The following CAMTA1 variants were observed in gnomAD, a reference collection of about 807,000 sequenced individuals.
The protein encoded by CAMTA1 is calmodulin binding transcription activator 1.
CAMTA1 carries 27 observed loss-of-function variants against 170.9 expected under a neutral mutation model. That is an observed-to-expected ratio of 0.16 (90% CI 0.12 to 0.22). The LOEUF is 0.22. CAMTA1 is among the 10% of genes least tolerant of loss of function. CAMTA1 has a pLI of 1.00. For missense variants in CAMTA1, 1,619 were observed against 2,217.2 expected, an observed-to-expected ratio of 0.73 and a Z score of 5.42; for synonymous variants, 833 against 891.5, an observed-to-expected ratio of 0.93 and a Z score of 1.17.
In CAMTA1 at chr1:6,884,291, G is replaced by GACACACACACAC. The variant is rs112571156; in HGVS notation, c.234+59115_234+59126dup. Among the ~76,000 whole-genome samples, 479 of 136,638 alleles carry GACACACACACAC rather than the reference G, an allele frequency of 3.5e-3. 1 individual carries two copies. The highest frequency in any genetic ancestry group is 7.9e-3 in the Admixed American group (105 of 13,212). The allele number at this position is 136,638 out of a possible 152,430, so 89.6% of individuals were successfully genotyped here. A position where few individuals can be genotyped will look rare whatever the true frequency, so the allele number is the denominator to read the frequency against. On this transcript the variant is annotated intron_variant, in intron 3 of 22. Coordinates refer to ENST00000303635, the MANE Select transcript of CAMTA1 (RefSeq NM_015215.4). ...CAGAGAATTTAGCTTATTCTCTAGA[G>GACACACACACAC]ACACACACACACACACACACACACA... is the stretch of plus-strand genomic sequence containing the variant.
chr1:7,330,798 A>G (rs1260441782), intron 5 of CAMTA1, among the ~76,000 whole-genome samples: 1 of 152,228 alleles, frequency 6.6e-6, no homozygotes, highest in Non-Finnish European at 1.5e-5. Flanking sequence ...CAGGGAATGG[A>G]TATGACAGTG....
rs1679114662 is a variant in CAMTA1 at position 7,325,279 on chromosome 1, GAA to G, written c.438+75657_438+75658del. Among the ~76,000 whole-genome samples the G allele has an allele frequency of 6.6e-6, 1 of 152,176 alleles. No homozygotes were observed. Among genetic ancestry groups the G allele is most frequent in the East Asian group, 1.9e-4 (1 of 5,200 alleles). ...ATATCAGAAGGGGTCATGACTGGGA[GAA>G]AAAGGTAGAACAAGATAGGGAGGCT... is the stretch of plus-strand genomic sequence containing the variant. On this transcript the variant is annotated intron_variant, in intron 5 of 22. Coordinates refer to ENST00000303635, the MANE Select transcript of CAMTA1 (RefSeq NM_015215.4). The surrounding 1 kb of genome is among the most constrained non-coding windows in gnomAD (Gnocchi z 5.0).
intron 2 of CAMTA1, among the ~76,000 whole-genome samples, chr1:6,824,176 T>C (rs775104974): frequency 1.3e-5 from 2 of 152,312 alleles, no homozygotes; most frequent in South Asian, 2.1e-4. Flanking sequence ...CCTTTGTATA[T>C]TGGGGATCTT....
chr1:6,895,789 C>G (rs1008515881), intron 3 of CAMTA1, among the ~76,000 whole-genome samples: 2 of 152,212 alleles, frequency 1.3e-5, no homozygotes, highest in African/African-American at 4.8e-5. Flanking sequence ...GAGACCCTCC[C>G]CCGATAGCCT....
In CAMTA1 at chr1:7,103,869, ACAC is replaced by A. The variant is rs1558103257; in HGVS notation, c.302+12499_302+12501del. ...GTACACACAACACACATACACACAC[ACAC>A]AACTACACACATGTACACACAACAC... On this transcript the variant is annotated intron_variant, in intron 4 of 22. Transcript: ENST00000303635. Among the ~76,000 whole-genome samples the A allele has an allele frequency of 4.8e-5, 7 of 146,412 alleles. No homozygotes were observed. In the East Asian group the frequency reaches 1.4e-3, roughly 30 times the overall value.
At chr1:7,343,367 A>T (rs1482825985) in intron 5 of CAMTA1, among the ~76,000 whole-genome samples, 1 of 152,036 alleles carries the variant, frequency 6.6e-6, no homozygotes, top group Non-Finnish European at 1.5e-5. Context: ...AATTCGGGAG[A>T]TCCCTACCAG....
At chr1:6,943,413 A>G (rs1201722762) in intron 3 of CAMTA1, among the ~76,000 whole-genome samples, 2 of 152,002 alleles carry the variant, frequency 1.3e-5, no homozygotes, top group East Asian at 1.9e-4. Flanking sequence ...GGGAAGTGCA[A>G]CCTGTCCTGC....
chr1:7,691,567 G>A (rs961437953), intron 11 of CAMTA1, among the ~76,000 whole-genome samples: 10 of 152,160 alleles, frequency 6.6e-5, no homozygotes, highest in Admixed American at 3.3e-4. Flanking sequence ...GAGAGCCACC[G>A]AGGAGATGGC....
chr1:7,470,514 A>G (rs1283502037), intron 6 of CAMTA1, among the ~76,000 whole-genome samples: 2 of 152,194 alleles, frequency 1.3e-5, no homozygotes, highest in East Asian at 3.9e-4. Flanking sequence ...GGCAGTGCCC[A>G]TGTTGGGAGC....
intron 4 of CAMTA1, among the ~76,000 whole-genome samples, chr1:7,219,005 C>T (rs960578610): frequency 5.9e-5 from 9 of 152,220 alleles, no homozygotes; most frequent in Non-Finnish European, 1.3e-4. Flanking sequence ...GCAGTTATAT[C>T]AATTTCAAGT....
At chr1:7,728,948 C>T (rs571461902) in intron 11 of CAMTA1, among the ~76,000 whole-genome samples, 10 of 152,242 alleles carry the variant, frequency 6.6e-5, no homozygotes, top group African/African-American at 1.4e-4. Flanking sequence ...TGGGAAGTTG[C>T]CACTGAGTGA....
At chr1:7,362,593 G>A (rs978618858) in intron 5 of CAMTA1, among the ~76,000 whole-genome samples, 6 of 151,644 alleles carry the variant, frequency 4.0e-5, no homozygotes, top group Non-Finnish European at 8.8e-5. Context: ...TTTGGATAGA[G>A]TTGGTGGACT....
At chr1:7,607,159 A>T (rs1001424222) in intron 6 of CAMTA1, among the ~76,000 whole-genome samples, 1 of 138,968 alleles carries the variant, frequency 7.2e-6, no homozygotes, top group Non-Finnish European at 1.5e-5. Flanking sequence ...ATGGATGGTT[A>T]GATGGGTGGT....
chr1:7,446,464 G>A lies in CAMTA1; in HGVS notation c.439-21366G>A, dbSNP rs181505077. ...TGGGGCTCTGGTCCCACGGGTACAGGGAATCCTGCTTACGAGAGGGAGGCT... is the reference window on the plus strand; with the variant it reads ...TGGGGCTCTGGTCCCACGGGTACAGAGAATCCTGCTTACGAGAGGGAGGCT... On this transcript the variant is annotated intron_variant, in intron 5 of 22. Coordinates refer to ENST00000303635, the MANE Select transcript of CAMTA1 (RefSeq NM_015215.4). Among the ~76,000 whole-genome samples the A allele has an allele frequency of 1.8e-3, 276 of 152,294 alleles. 1 individual carries two copies. Among genetic ancestry groups the A allele is most frequent in the Non-Finnish European group, 3.0e-3 (204 of 68,026 alleles).
At chr1:7,542,879 G>GTGT (rs1459264062) in intron 6 of CAMTA1, among the ~76,000 whole-genome samples, 1 of 138,172 alleles carries the variant, frequency 7.2e-6, no homozygotes, top group African/African-American at 2.8e-5. Context: ...GTGTGTGTGT[G>GTGT]TTTGAGCCGG....
intron 3 of CAMTA1, among the ~76,000 whole-genome samples, chr1:6,901,681 T>A (rs1341169374): frequency 2.6e-5 from 4 of 152,206 alleles, no homozygotes; most frequent in African/African-American, 9.7e-5. Context: ...ACACAGTTAC[T>A]AGGGTATCTT....
chr1:6,963,796 A>G (rs1690997751), intron 3 of CAMTA1, among the ~76,000 whole-genome samples: 1 of 152,044 alleles, frequency 6.6e-6, no homozygotes, highest in Non-Finnish European at 1.5e-5. Context: ...CGACCGTGCG[A>G]GCAGAGACGC....
chr1:6,957,981 C>T (rs369355480), intron 3 of CAMTA1, among the ~76,000 whole-genome samples: 1 of 152,194 alleles, frequency 6.6e-6, no homozygotes, highest in Admixed American at 6.5e-5. Context: ...TCCCGCCTGT[C>T]AGCACTGGAC....
At chr1:6,798,182 GA>G (rs1410666772) in intron 1 of CAMTA1, among the ~76,000 whole-genome samples, 3 of 151,348 alleles carry the variant, frequency 2.0e-5, no homozygotes, top group Non-Finnish European at 4.4e-5. Flanking sequence ...TTTTAGTTGA[GA>G]CACCATGTTG....
Sources: gnomAD v4.1 joint callset for allele counts (sites outside exome capture counted in the v4.1 genomes callset) on GRCh38, gnomAD v4.1.1 for gene constraint, Gnocchi (gnomAD v3.1) non-coding constraint, MANE v1.5 for transcripts, NCBI Gene and HGNC (gene_info 2026-07-23, HGNC 2026-07-21) for gene names.